The following TRAK2 variants were observed in gnomAD, a reference collection of about 807,000 sequenced individuals.
TRAK2 encodes the protein trafficking kinesin protein 2, also known as trafficking kinesin-binding protein 2.
Under a neutral mutation model 104.6 loss-of-function variants are expected in TRAK2, and 81 were observed. The observed-to-expected ratio is 0.77, with a 90% CI of 0.65 to 0.93. The LOEUF (loss-of-function observed/expected upper bound fraction) is 0.93. TRAK2 is among the 40% of genes least tolerant of loss of function. The pLI is 0.00. For missense variants in TRAK2, 1,002 were observed against 1,089.0 expected, an observed-to-expected ratio of 0.92 and a Z score of 1.12; for synonymous variants, 406 against 394.4, an observed-to-expected ratio of 1.03 and a Z score of -0.35.
intron 1 of TRAK2, among the ~76,000 whole-genome samples, chr2:201,446,536 T>A (rs533411035): frequency 1.3e-5 from 2 of 152,368 alleles, no homozygotes; most frequent in South Asian, 4.1e-4. Flanking sequence ...CTTATTTTTG[T>A]ATTACTCTGC....
chr2:201,410,684 T>C, intron 2 of TRAK2: 2 of 1,314,398 alleles, frequency 1.5e-6, no homozygotes, highest in Admixed American at 1.7e-5. Context: ...TTCATCTGTG[T>C]TCCCATTACT....
At chr2:201,441,127 C>T (rs1430439638) in intron 1 of TRAK2, among the ~76,000 whole-genome samples, 1 of 152,044 alleles carries the variant, frequency 6.6e-6, no homozygotes, top group African/African-American at 2.4e-5. Context: ...AATGAATTGC[C>T]TTGAAAAACA....
intron 2 of TRAK2, among the ~76,000 whole-genome samples, chr2:201,418,664 A>G (rs1951713884): frequency 2.0e-5 from 3 of 152,222 alleles, no homozygotes; most frequent in African/African-American, 7.2e-5. Flanking sequence ...AATAAGGGTA[A>G]AGAGACCATT....
intron 3 of TRAK2, among the ~76,000 whole-genome samples, chr2:201,406,033 A>C (rs1269148641): frequency 6.6e-6 from 1 of 152,218 alleles, no homozygotes; most frequent in Non-Finnish European, 1.5e-5. Context: ...CACTCAATGA[A>C]CAAAGGGAAC....
At chr2:201,381,338 C>T (rs976759839) in intron 15 of TRAK2, 120 bp from the exon 16 acceptor site, 13 of 888,418 alleles carry the variant, frequency 1.5e-5, no homozygotes, top group Non-Finnish European at 2.2e-5. Flanking sequence ...AGGCAACAAA[C>T]ACATCCGTAA....
At chr2:201,394,184 C>A (rs1484455586) in intron 9 of TRAK2, among the ~76,000 whole-genome samples, 1 of 152,122 alleles carries the variant, frequency 6.6e-6, no homozygotes, top group Non-Finnish European at 1.5e-5. Context: ...TAGAACTTAT[C>A]TTATTTTAAA....
Position 201,380,796 on chromosome 2 carries a change from T to G in TRAK2, c.2492A>C (p.Lys831Thr). ...SRNPPDVGQL[K>T]MNLVDRLKRL... is the part of the protein sequence containing the mutation. Reference sequence around the variant, plus strand: ...CTTCAGCCTGTCCACTAAGTTCATCTTCAACTGGCCAACATCAGGAGGGTT... The same window carrying G: ...CTTCAGCCTGTCCACTAAGTTCATCGTCAACTGGCCAACATCAGGAGGGTT... Residue 831 changes from lysine to threonine, a missense_variant, in exon 16 of 16, where the codon AAG (lysine) becomes ACG (threonine). Physicochemically the swap from Lys to Thr is moderately conservative, Grantham distance 78. Coordinates refer to ENST00000332624, the MANE Select transcript of TRAK2 (RefSeq NM_015049.3). 6.2e-7 allele frequency: 1 copy of G among 1,614,130 alleles called. No individual in the cohort carries two copies. Among genetic ancestry groups the G allele is most frequent in the Non-Finnish European group, 8.5e-7 (1 of 1,179,994 alleles).
chr2:201,411,734 G>A lies in TRAK2; in HGVS notation c.92-4137C>T, dbSNP rs182331561. The A allele has an allele frequency of 7.0e-4, 549 of 780,974 alleles. 1 individual carries two copies. The highest frequency in any genetic ancestry group is 1.4e-3 in the Admixed American group (80 of 58,732). 48.4% of individuals were successfully genotyped at this position (780,974 alleles called of 1,614,324 possible). A position where few individuals can be genotyped will look rare whatever the true frequency, so the allele number is the denominator to read the frequency against. On this transcript the variant is annotated intron_variant, in intron 2 of 15. Coordinates refer to ENST00000332624, the MANE Select transcript of TRAK2 (RefSeq NM_015049.3). ...CTTTGGATGGAATTTGTTGTAAGAA[G>A]GGTAGGATACCATCAAGTACCAACC...
intron 12 of TRAK2, among the ~76,000 whole-genome samples, chr2:201,388,976 A>G (rs1281106103): frequency 1.3e-5 from 2 of 152,254 alleles, no homozygotes; most frequent in Admixed American, 6.5e-5. Flanking sequence ...AAATAAACAG[A>G]AAATCGACAG....
intron 1 of TRAK2, among the ~76,000 whole-genome samples, chr2:201,443,900 CCTT>C (rs1239508675): frequency 6.6e-6 from 1 of 152,022 alleles, no homozygotes; most frequent in Non-Finnish European, 1.5e-5. Flanking sequence ...AAGCTAAACT[CCTT>C]CTTAAAAAAA....
Position 201,438,732 on chromosome 2 carries a change from A to C in TRAK2, c.-200+12618T>G, listed in dbSNP as rs1270592796. ...TGAATATAGAAGAAGAAGAAAAAAA[A>C]CAAGTAATCCGCTCCCCCCAACCAT... On this transcript the variant is annotated intron_variant, in intron 1 of 15. Transcript: ENST00000332624. Among the ~76,000 whole-genome samples the C allele has an allele frequency of 2.6e-5, 4 of 152,342 alleles. No individual in the cohort carries two copies. In the East Asian group the frequency reaches 7.7e-4, roughly 29 times the overall value.
intron 1 of TRAK2, among the ~76,000 whole-genome samples, chr2:201,442,676 A>T (rs1431410668): frequency 6.6e-6 from 1 of 152,046 alleles, no homozygotes; most frequent in Non-Finnish European, 1.5e-5. Flanking sequence ...TTTCTCACTT[A>T]TCTCTGACCC....
intron 3 of TRAK2, among the ~76,000 whole-genome samples, chr2:201,402,826 G>A (rs764278551): frequency 7.2e-5 from 11 of 152,146 alleles, no homozygotes; most frequent in Non-Finnish European, 1.2e-4. Context: ...TCCAGATTCC[G>A]ATTTAATTAA....
At chr2:201,399,206 T>C (rs143609721) in intron 5 of TRAK2, among the ~76,000 whole-genome samples, 171 bp downstream of exon 5, 408 of 152,268 alleles carry the variant, frequency 2.7e-3, no homozygotes, top group African/African-American at 9.0e-3. Flanking sequence ...TTCTCCTCTG[T>C]ACAATTAACA....
rs752063608 is a variant in TRAK2 at position 201,389,819 on chromosome 2, G to A, written c.1175C>T (p.Ser392Phe). The change falls in exon 11 of 16, where the codon TCT becomes TTT. Residue 392 changes from serine (S) to phenylalanine (F), a missense_variant. Transcript: ENST00000332624. Reference sequence around the variant, plus strand: ...TACTTACTTTTGTTTAAAGAGAGAAGATTCCTCATCCAAACTCAGCTTTTT... The same window carrying A: ...TACTTACTTTTGTTTAAAGAGAGAAAATTCCTCATCCAAACTCAGCTTTTT... ...MRKKLSLDEESSLFKQKAQQK... is the reference protein window; with the variant it reads ...MRKKLSLDEEFSLFKQKAQQK... 6.2e-7 allele frequency: 1 copy of A among 1,613,142 alleles called. No homozygotes were observed. Among genetic ancestry groups the A allele is most frequent in the Non-Finnish European group, 8.5e-7 (1 of 1,179,594 alleles).
chr2:201,438,043 T>C (rs1951891759), intron 1 of TRAK2, among the ~76,000 whole-genome samples: 1 of 152,228 alleles, frequency 6.6e-6, no homozygotes, highest in Non-Finnish European at 1.5e-5. Context: ...CAGGGCCTTA[T>C]CAACTCAGTA....
intron 1 of TRAK2, among the ~76,000 whole-genome samples, chr2:201,435,282 T>C (rs1293435448): frequency 2.0e-5 from 3 of 152,208 alleles, no homozygotes; most frequent in Non-Finnish European, 4.4e-5. Context: ...GATCTTGAAC[T>C]CCTGAACTCA....
chr2:201,399,915 T>G (rs1361245990), intron 4 of TRAK2, among the ~76,000 whole-genome samples: 1 of 152,030 alleles, frequency 6.6e-6, no homozygotes. Context: ...GATACAGAAT[T>G]AGGTATTTAA....
intron 2 of TRAK2, among the ~76,000 whole-genome samples, chr2:201,416,548 A>G (rs1349303651): frequency 6.6e-6 from 1 of 152,186 alleles, no homozygotes; most frequent in African/African-American, 2.4e-5. Context: ...GAAATAATAG[A>G]ATGCTAAATC....
Sources: allele counts gnomAD v4.1 joint callset (sites outside exome capture counted in the v4.1 genomes callset), GRCh38; gene constraint gnomAD v4.1.1; transcripts MANE v1.5; gene names NCBI Gene and HGNC (gene_info 2026-07-23, HGNC 2026-07-21).